The following CNTN4 variants were observed in gnomAD, a reference collection of about 807,000 sequenced individuals.
CNTN4 encodes the protein contactin-4.
In CNTN4, 77 loss-of-function variants were observed where a neutral mutation model predicts 122.5. The observed-to-expected ratio is 0.63, with a 90% CI of 0.52 to 0.76. The LOEUF (loss-of-function observed/expected upper bound fraction) is 0.76. Among genes scored for constraint, CNTN4 ranks in the 30% least tolerant of loss-of-function variants. The pLI, the probability that CNTN4 is intolerant of heterozygous loss-of-function variation, is 0.00. For missense variants in CNTN4, 1,256 were observed against 1,259.1 expected, an observed-to-expected ratio of 1.00 and a Z score of 0.04; for synonymous variants, 512 against 447.0, an observed-to-expected ratio of 1.15 and a Z score of -1.83.
intron 6 of CNTN4, among the ~76,000 whole-genome samples, chr3:2,758,517 C>CTTTTTTTT (rs34531341): frequency 1.1e-4 from 14 of 124,238 alleles, no homozygotes; most frequent in Admixed American, 2.8e-4. Flanking sequence ...CAACACCATA[C>CTTTTTTTT]TTTTTTTTTT....
chr3:2,460,927 G>A (rs989897273), intron 3 of CNTN4, among the ~76,000 whole-genome samples: 2 of 152,112 alleles, frequency 1.3e-5, no homozygotes, highest in African/African-American at 2.4e-5. Flanking sequence ...TATGGAAGAC[G>A]ATAAGCTAAG....
chr3:3,016,716 C>T (rs1697791224), intron 14 of CNTN4, among the ~76,000 whole-genome samples: 1 of 152,148 alleles, frequency 6.6e-6, no homozygotes, highest in African/African-American at 2.4e-5. Context: ...ACTTTGATTA[C>T]CACCTGACTG....
chr3:2,927,307 G>A (rs779066809), intron 13 of CNTN4: 1 of 455,886 alleles, frequency 2.2e-6, no homozygotes, highest in Non-Finnish European at 4.4e-6. Flanking sequence ...GTGTACATCA[G>A]GGGTTTGGTA....
At chr3:2,989,969 AAGAC>A (rs1247944217) in intron 14 of CNTN4, among the ~76,000 whole-genome samples, 1 of 152,184 alleles carries the variant, frequency 6.6e-6, no homozygotes, top group Non-Finnish European at 1.5e-5. Flanking sequence ...TCATAGTTAA[AAGAC>A]AGGGATTCAA....
chr3:2,729,543 CAAAAAAAAAAA>C (rs377584644), intron 4 of CNTN4, among the ~76,000 whole-genome samples: 1 of 70,052 alleles, frequency 1.4e-5, no homozygotes. Context: ...GACTCCATCT[CAAAAAAAAAAA>C]AAAAAAAAAG....
chr3:2,144,992 G>A (rs1340702184), intron 2 of CNTN4, among the ~76,000 whole-genome samples: 1 of 152,206 alleles, frequency 6.6e-6, no homozygotes, highest in African/African-American at 2.4e-5. Flanking sequence ...CCCTAGGAAA[G>A]CACTGCTGAT....
chr3:3,035,927 TAA>T (rs34297312), intron 17 of CNTN4, among the ~76,000 whole-genome samples: 36 of 143,060 alleles, frequency 2.5e-4, no homozygotes, highest in African/African-American at 7.4e-4. Context: ...TACAAATTCT[TAA>T]AAAAAAAAAA....
At chr3:3,026,445 A>G (rs991527475) in intron 15 of CNTN4, among the ~76,000 whole-genome samples, 168 bp downstream of exon 15, 4 of 152,024 alleles carry the variant, frequency 2.6e-5, no homozygotes, top group Non-Finnish European at 2.9e-5. Flanking sequence ...TCATTGAACA[A>G]CTCTATATGG....
At chr3:3,011,825 TCTTCCTCTGAAG>T (rs1240009640) in intron 14 of CNTN4, among the ~76,000 whole-genome samples, 1 of 152,116 alleles carries the variant, frequency 6.6e-6, no homozygotes, top group Non-Finnish European at 1.5e-5. Context: ...GGAGAAGTTA[TCTTCCTCTGAAG>T]CTTCCTGCAC....
At chr3:2,732,254 A>C (rs1262843854) in intron 4 of CNTN4, among the ~76,000 whole-genome samples, 1 of 152,206 alleles carries the variant, frequency 6.6e-6, no homozygotes, top group Non-Finnish European at 1.5e-5. Context: ...TTCAGTGTGC[A>C]GAAGAATCAC....
intron 2 of CNTN4, among the ~76,000 whole-genome samples, chr3:2,167,443 T>G (rs2036246589): frequency 6.6e-6 from 1 of 152,196 alleles, no homozygotes; most frequent in South Asian, 2.1e-4. Context: ...AATCCACCAT[T>G]AAACAAGGTA....
intron 2 of CNTN4, among the ~76,000 whole-genome samples, chr3:2,279,820 G>C (rs1575249524): frequency 6.6e-6 from 1 of 151,258 alleles, no homozygotes; most frequent in Non-Finnish European, 1.5e-5. Flanking sequence ...ACAATTCTGT[G>C]TAAAGATATT....
chr3:2,815,215 C>G (rs892625580), intron 6 of CNTN4, among the ~76,000 whole-genome samples: 18 of 152,056 alleles, frequency 1.2e-4, no homozygotes, highest in Non-Finnish European at 2.1e-4. Context: ...AAAGCAAATG[C>G]AATAAAAGCA....
At chr3:2,349,168 C>G (rs1398576750) in intron 3 of CNTN4, among the ~76,000 whole-genome samples, 1 of 151,792 alleles carries the variant, frequency 6.6e-6, no homozygotes, top group Non-Finnish European at 1.5e-5. Context: ...CTTATTATAC[C>G]TAGAAATGAA....
chr3:2,302,447 A>G (rs572322393), intron 2 of CNTN4, among the ~76,000 whole-genome samples: 32 of 152,336 alleles, frequency 2.1e-4, no homozygotes, highest in African/African-American at 7.5e-4. Context: ...ACAAACAGAC[A>G]TCTTAGAATT....
At position 2,633,517 on chromosome 3, in the gene CNTN4, A is replaced by T. The variant is rs1395141733; in HGVS notation, c.55+61959A>T. Among the ~76,000 whole-genome samples the T allele has an allele frequency of 2.0e-5, 3 of 152,192 alleles. No homozygotes were observed. The East Asian group carries it at 5.8e-4, about 29-fold the overall frequency. On this transcript the variant is annotated intron_variant, in intron 4 of 24. Transcript: ENST00000418658. ...CATAGGCTTCTCACGTTTATACAGA[A>T]AGTCAAGCTTGATTTGGGGCTTAAA... is the stretch of plus-strand genomic sequence containing the variant.
chr3:2,137,173 A>G (rs1262063070), intron 2 of CNTN4, among the ~76,000 whole-genome samples: 1 of 152,172 alleles, frequency 6.6e-6, no homozygotes, highest in African/African-American at 2.4e-5. Flanking sequence ...CCTCATTTAA[A>G]ATGGCTCCTT....
intron 3 of CNTN4, among the ~76,000 whole-genome samples, chr3:2,417,048 G>T (rs887266586): frequency 1.3e-5 from 2 of 152,194 alleles, no homozygotes; most frequent in Non-Finnish European, 2.9e-5. Context: ...CTGGCAGACT[G>T]GTTATAAATA....
intron 4 of CNTN4, among the ~76,000 whole-genome samples, chr3:2,604,992 A>G (rs968949249): frequency 7.2e-5 from 11 of 152,258 alleles, no homozygotes; most frequent in South Asian, 6.2e-4. Flanking sequence ...ATTTTGCATA[A>G]CTGTTCTGCT....
Sources: allele counts gnomAD v4.1 joint callset (sites outside exome capture counted in the v4.1 genomes callset), GRCh38; gene constraint gnomAD v4.1.1; transcripts MANE v1.5; gene names NCBI Gene and HGNC (gene_info 2026-07-23, HGNC 2026-07-21).